RPTOR: variants seen among roughly 807,000 people sequenced by gnomAD.
The protein encoded by RPTOR is regulatory associated protein of MTOR complex 1, also known as regulatory-associated protein of mTOR.
A neutral mutation model predicts 169.9 loss-of-function variants in RPTOR; 21 were observed. The observed-to-expected ratio is 0.12, with a 90% confidence interval of 0.09 to 0.18. The LOEUF (loss-of-function observed/expected upper bound fraction) is 0.18. RPTOR is among the 10% of genes least tolerant of loss of function. The pLI, the probability that RPTOR is intolerant of heterozygous loss-of-function variation, is 1.00. For synonymous variants in RPTOR, 732 were observed against 753.2 expected (o/e 0.97, Z 0.46); for missense variants, 1,133 against 1,855.9 (o/e 0.61, Z 7.16).
chr17:80,953,761 G>A (rs1406489533), intron 28 of RPTOR, among the ~76,000 whole-genome samples: 2 of 152,244 alleles, frequency 1.3e-5, no homozygotes, highest in Non-Finnish European at 2.9e-5. Context: ...AGGCTCTGTT[G>A]GCTGCACAGC....
intron 5 of RPTOR, among the ~76,000 whole-genome samples, chr17:80,744,835 T>TACTAGCACAGCCCTGGC (rs1567889346): frequency 2.7e-4 from 1 of 3,728 alleles, no homozygotes; most frequent in Non-Finnish European, 6.4e-4. Flanking sequence ...ACAGCCCTGG[T>TACTAGCACAGCCCTGGC]TACTAGCACT....
At chr17:80,765,556 G>T (rs1424042729) in intron 6 of RPTOR, among the ~76,000 whole-genome samples, 1 of 152,198 alleles carries the variant, frequency 6.6e-6, no homozygotes, top group African/African-American at 2.4e-5. Flanking sequence ...TGGCGTTAGT[G>T]CTGCTTTCAG....
chr17:80,962,506 G>A lies in RPTOR; in HGVS notation c.3738G>A (p.Ser1246=), dbSNP rs762090918. Residue 1246 remains serine (S), a synonymous_variant, in exon 32 of 34, where the codon TCG becomes TCA. Coordinates refer to ENST00000306801, the MANE Select transcript of RPTOR (RefSeq NM_020761.3). Reference sequence around the variant, plus strand: ...TCTTTGATCCCCGGATGCCTGAGTCGGTAAATGTGCTTCAGATCGTGAAGG... The same window carrying A: ...TCTTTGATCCCCGGATGCCTGAGTCAGTAAATGTGCTTCAGATCGTGAAGG... ...VRIFDPRMPE[S]VNVLQIVKGL... 5.6e-5 allele frequency: 90 copies of A among 1,613,940 alleles called. 1 individual carries two copies. Among genetic ancestry groups the A allele is most frequent in the Admixed American group, 4.3e-4 (26 of 60,020 alleles).
chr17:80,751,527 A>G (rs1354782639), intron 5 of RPTOR, among the ~76,000 whole-genome samples: 1 of 152,186 alleles, frequency 6.6e-6, no homozygotes, highest in East Asian at 1.9e-4. Flanking sequence ...GCAAGGAAGG[A>G]GCAAAAATGC....
At chr17:80,586,560 G>A (rs1312511305) in intron 1 of RPTOR, among the ~76,000 whole-genome samples, 1 of 152,216 alleles carries the variant, frequency 6.6e-6, no homozygotes, top group African/African-American at 2.4e-5. Context: ...TCCTGTTTCT[G>A]CCTGTGTCGC....
chr17:80,874,513 T>G (rs2068085350), intron 13 of RPTOR, among the ~76,000 whole-genome samples: 1 of 152,146 alleles, frequency 6.6e-6, no homozygotes, highest in Non-Finnish European at 1.5e-5. Context: ...TATTAATATA[T>G]ATATTTATGT....
chr17:80,885,459 A>C (rs2016834), intron 17 of RPTOR, among the ~76,000 whole-genome samples: 23 of 147,416 alleles, frequency 1.6e-4, no homozygotes, highest in Non-Finnish European at 2.9e-4. Flanking sequence ...CCACCCACAG[A>C]TGGCGGGAAG....
chr17:80,867,070 T>C (rs1158254889), intron 13 of RPTOR, among the ~76,000 whole-genome samples: 1 of 152,144 alleles, frequency 6.6e-6, no homozygotes, highest in Non-Finnish European at 1.5e-5. Context: ...AAAAGAAAAC[T>C]ACAGATAAGT....
chr17:80,810,980 G>A (rs979345689), intron 7 of RPTOR, among the ~76,000 whole-genome samples: 5 of 150,900 alleles, frequency 3.3e-5, no homozygotes, highest in Non-Finnish European at 7.4e-5. Context: ...CTGTTTGAAA[G>A]GTTTCTTAAG....
At chr17:80,807,291 C>T (rs1168821209) in intron 7 of RPTOR, among the ~76,000 whole-genome samples, 1 of 152,176 alleles carries the variant, frequency 6.6e-6, no homozygotes, top group African/African-American at 2.4e-5. Context: ...AAGTCTGCCT[C>T]CTACTTGCTT....
chr17:80,938,366 C>A (rs971131298), intron 24 of RPTOR, among the ~76,000 whole-genome samples: 1 of 152,232 alleles, frequency 6.6e-6, no homozygotes, highest in African/African-American at 2.4e-5. Flanking sequence ...CCTTCCCACT[C>A]GAAAGTTCCT....
chr17:80,753,370 C>T (rs2066647683), intron 5 of RPTOR, among the ~76,000 whole-genome samples: 2 of 121,872 alleles, frequency 1.6e-5, no homozygotes, highest in Admixed American at 1.6e-4. Context: ...CGCGGTGGCT[C>T]ACGCCTGTAA....
chr17:80,886,164 C>G (rs997704427), intron 17 of RPTOR, among the ~76,000 whole-genome samples: 9 of 152,224 alleles, frequency 5.9e-5, no homozygotes, highest in East Asian at 3.9e-4. Flanking sequence ...TGAGACGGGC[C>G]GTGGTCCAGG....
intron 11 of RPTOR, among the ~76,000 whole-genome samples, chr17:80,848,004 G>A (rs2067751803): frequency 6.6e-6 from 1 of 152,266 alleles, no homozygotes; most frequent in Admixed American, 6.5e-5. Flanking sequence ...CAGGCGTGCT[G>A]TAGGACTGAG....
intron 1 of RPTOR, among the ~76,000 whole-genome samples, chr17:80,605,138 C>T (rs1188438665): frequency 2.0e-5 from 3 of 152,178 alleles, no homozygotes; most frequent in Non-Finnish European, 4.4e-5. Context: ...GCCCATGTTT[C>T]ACCAGCACTC....
At chr17:80,827,395 C>T (rs1032006622) in intron 9 of RPTOR, among the ~76,000 whole-genome samples, 2 of 152,212 alleles carry the variant, frequency 1.3e-5, no homozygotes, top group Non-Finnish European at 2.9e-5. Context: ...TGCAGGGTCC[C>T]ATCAGGTTAA....
At chr17:80,580,980 G>A (rs1453457388) in intron 1 of RPTOR, among the ~76,000 whole-genome samples, 1 of 152,104 alleles carries the variant, frequency 6.6e-6, no homozygotes, top group African/African-American at 2.4e-5. Context: ...CCTGAGAATT[G>A]TTTTGTTCCT....
intron 1 of RPTOR, among the ~76,000 whole-genome samples, chr17:80,606,311 T>A (rs1276106609): frequency 1.4e-5 from 1 of 73,176 alleles, no homozygotes; most frequent in East Asian, 4.5e-4. Flanking sequence ...TGCCTGGCCT[T>A]TTTTTTTTTT....
intron 7 of RPTOR, among the ~76,000 whole-genome samples, chr17:80,792,067 C>G (rs760681202): frequency 6.6e-6 from 1 of 152,086 alleles, no homozygotes; most frequent in African/African-American, 2.4e-5. Context: ...GTCTGTCCCT[C>G]GCGTGATCTT....
Sources: allele counts gnomAD v4.1 joint callset (sites outside exome capture counted in the v4.1 genomes callset), GRCh38; gene constraint gnomAD v4.1.1; transcripts MANE v1.5; gene names NCBI Gene and HGNC (gene_info 2026-07-23, HGNC 2026-07-21).